The following CNTN4 variants were observed in gnomAD, a reference collection of about 807,000 sequenced individuals.
CNTN4 encodes contactin 4.
A neutral mutation model predicts 122.5 loss-of-function variants in CNTN4; 77 were observed. The observed-to-expected ratio is 0.63, with a 90% confidence interval of 0.52 to 0.76. The LOEUF (loss-of-function observed/expected upper bound fraction) is 0.76. CNTN4 is among the 30% of genes least tolerant of loss of function. The probability of loss-of-function intolerance (pLI) is 0.00; values close to 1 mark genes in which losing one functional copy is unlikely to be tolerated. For missense variants in CNTN4, 1,256 were observed against 1,259.1 expected, an observed-to-expected ratio of 1.00 and a Z score of 0.04; for synonymous variants, 512 against 447.0, an observed-to-expected ratio of 1.15 and a Z score of -1.83.
At chr3:2,493,092 A>G (rs1263530811) in intron 3 of CNTN4, among the ~76,000 whole-genome samples, 1 of 152,164 alleles carries the variant, frequency 6.6e-6, no homozygotes, top group Non-Finnish European at 1.5e-5. Flanking sequence ...GTAGGCGTAA[A>G]TGTTTCATTT....
At chr3:2,807,179 G>A (rs567587191) in intron 6 of CNTN4, among the ~76,000 whole-genome samples, 2 of 152,284 alleles carry the variant, frequency 1.3e-5, no homozygotes, top group East Asian at 3.9e-4. Context: ...CTACCACAAA[G>A]TGCACTTAAG....
At chr3:2,515,531 A>T (rs140216804) in intron 3 of CNTN4, among the ~76,000 whole-genome samples, 1 of 152,184 alleles carries the variant, frequency 6.6e-6, no homozygotes, top group Non-Finnish European at 1.5e-5. Flanking sequence ...TAACAAATAG[A>T]TACCCGTCCA....
chr3:2,315,051 C>T (rs924777606), intron 2 of CNTN4, among the ~76,000 whole-genome samples: 7 of 151,670 alleles, frequency 4.6e-5, no homozygotes, highest in African/African-American at 1.7e-4. Context: ...TAATAAAATC[C>T]ACTGAAATGT....
At chr3:2,532,731 T>C (rs2077644047) in intron 3 of CNTN4, among the ~76,000 whole-genome samples, 1 of 152,196 alleles carries the variant, frequency 6.6e-6, no homozygotes, top group Admixed American at 6.6e-5. Context: ...GTTTACATTC[T>C]TAAAAAAGTA....
At chr3:2,435,281 A>C (rs1021615421) in intron 3 of CNTN4, among the ~76,000 whole-genome samples, 1 of 152,154 alleles carries the variant, frequency 6.6e-6, no homozygotes, top group Admixed American at 6.5e-5. Context: ...ATGGATGCTC[A>C]AGTCCCTTAT....
At chr3:2,795,381 G>C (rs566212273) in intron 6 of CNTN4, among the ~76,000 whole-genome samples, 1 of 152,208 alleles carries the variant, frequency 6.6e-6, no homozygotes, top group Non-Finnish European at 1.5e-5. Flanking sequence ...ACTGGGATTT[G>C]GTGAGCTCCC....
At chr3:2,677,098 C>G (rs186056419) in intron 4 of CNTN4, among the ~76,000 whole-genome samples, 1 of 151,482 alleles carries the variant, frequency 6.6e-6, no homozygotes, top group Non-Finnish European at 1.5e-5. Context: ...TCTATTCTCT[C>G]TCTCTATAGA....
intron 3 of CNTN4, among the ~76,000 whole-genome samples, chr3:2,538,343 A>G (rs971839826): frequency 6.6e-6 from 1 of 152,106 alleles, no homozygotes; most frequent in African/African-American, 2.4e-5. Context: ...ACTGTGTTAC[A>G]GCAGCCCTAA....
In CNTN4 at chr3:2,385,624, C is replaced by A. The variant is rs184735455; in HGVS notation, c.-89+46391C>A. ...CGCATCTCTCAGCTTCTGTTAGCCC[C>A]AGTTGTTCTGCAGCTTGTGGGAGCA... On this transcript the variant is annotated intron_variant, in intron 3 of 24. Coordinates refer to ENST00000418658, the MANE Select transcript of CNTN4 (RefSeq NM_175607.3). This position sits in a 1 kb window ranked among gnomAD's most constrained non-coding sequence, Gnocchi z 4.0. Among the ~76,000 whole-genome samples, 82 of 152,178 alleles carry A rather than the reference C, an allele frequency of 5.4e-4. No individual in the cohort carries two copies. Among genetic ancestry groups the A allele is most frequent in the African/African-American group, 1.9e-3 (80 of 41,560 alleles).
chr3:2,477,799 G>A (rs2075874170), intron 3 of CNTN4, among the ~76,000 whole-genome samples: 1 of 152,164 alleles, frequency 6.6e-6, no homozygotes, highest in Non-Finnish European at 1.5e-5. Context: ...GTTCTAAACT[G>A]CTACGTCTAA....
At chr3:2,190,740 G>A (rs11720157) in intron 2 of CNTN4, among the ~76,000 whole-genome samples, 70,899 of 151,236 alleles carry the variant, frequency 0.47, 17,499 homozygotes, top group Non-Finnish European at 0.56. Context: ...TGGGCTTGCT[G>A]TTTTCTAAAT....
chr3:2,246,900 C>G (rs943056439), intron 2 of CNTN4, among the ~76,000 whole-genome samples: 3 of 151,928 alleles, frequency 2.0e-5, no homozygotes, highest in South Asian at 2.1e-4. Flanking sequence ...TTTGGACATA[C>G]AGACTTGGTG....
intron 3 of CNTN4, among the ~76,000 whole-genome samples, chr3:2,444,658 C>T (rs1404314800): frequency 6.6e-6 from 1 of 151,996 alleles, no homozygotes; most frequent in Non-Finnish European, 1.5e-5. Context: ...AATTGTAGCT[C>T]ACCTGTTAGA....
intron 6 of CNTN4, among the ~76,000 whole-genome samples, chr3:2,771,312 T>C (rs1401713450): frequency 6.6e-6 from 1 of 152,188 alleles, no homozygotes; most frequent in African/African-American, 2.4e-5. Context: ...CATGGGAAGG[T>C]ACTCTCTCTA....
intron 4 of CNTN4, among the ~76,000 whole-genome samples, chr3:2,575,443 A>G (rs1314415475): frequency 6.6e-6 from 1 of 151,626 alleles, no homozygotes; most frequent in African/African-American, 2.4e-5. Flanking sequence ...CCCGGAAGGC[A>G]GAGGTTGCAG....
At chr3:2,629,888 C>T (rs777539236) in intron 4 of CNTN4, among the ~76,000 whole-genome samples, 4 of 152,110 alleles carry the variant, frequency 2.6e-5, no homozygotes, top group Non-Finnish European at 5.9e-5. Flanking sequence ...CCCAACCTGC[C>T]GCAGAAACTC....
chr3:2,199,850 A>G (rs982730493), intron 2 of CNTN4, among the ~76,000 whole-genome samples: 3 of 152,190 alleles, frequency 2.0e-5, no homozygotes, highest in Non-Finnish European at 2.9e-5. Context: ...ACCACCAATG[A>G]AGGTTAAGGA....
At chr3:2,789,078 T>C (rs1033685405) in intron 6 of CNTN4, among the ~76,000 whole-genome samples, 3 of 152,180 alleles carry the variant, frequency 2.0e-5, no homozygotes, top group Non-Finnish European at 4.4e-5. Flanking sequence ...ATCTTTACCA[T>C]GTAGATGCTG....
At chr3:2,237,819 T>C (rs1460142917) in intron 2 of CNTN4, among the ~76,000 whole-genome samples, 3 of 152,208 alleles carry the variant, frequency 2.0e-5, no homozygotes, top group Non-Finnish European at 4.4e-5. Context: ...AGTTTGACTT[T>C]CATATGAAGA....
Sources: allele counts gnomAD v4.1 joint callset (sites outside exome capture counted in the v4.1 genomes callset), GRCh38; gene constraint gnomAD v4.1.1; non-coding constraint Gnocchi (gnomAD v3.1); transcripts MANE v1.5; gene names NCBI Gene and HGNC (gene_info 2026-07-23, HGNC 2026-07-21).